Variants in TMTC1 observed in about 807,000 individuals in gnomAD.
The protein encoded by TMTC1 is protein O-mannosyl-transferase TMTC1.
TMTC1 carries 73 observed loss-of-function variants against 104.8 expected under a neutral mutation model. The observed-to-expected ratio is 0.70, with a 90% confidence interval of 0.58 to 0.85. TMTC1 has a LOEUF of 0.85. Among genes scored for constraint, TMTC1 ranks in the 40% least tolerant of loss-of-function variants. TMTC1 has a pLI of 0.00. For missense variants in TMTC1, 1,035 were observed against 1,096.1 expected (o/e 0.94, Z 0.79); for synonymous variants, 434 against 428.7 (o/e 1.01, Z -0.15).
At chr12:29,753,213 G>A (rs1435167966) in intron 4 of TMTC1, among the ~76,000 whole-genome samples, 2 of 152,196 alleles carry the variant, frequency 1.3e-5, no homozygotes, top group Non-Finnish European at 2.9e-5. Flanking sequence ...AGGGACTGGG[G>A]AGTAGACCCC....
At chr12:29,555,133 C>CATT (rs1432538057) in intron 10 of TMTC1, among the ~76,000 whole-genome samples, 5 of 40,928 alleles carry the variant, frequency 1.2e-4, no homozygotes, top group Non-Finnish European at 2.3e-4. Flanking sequence ...GTTCCAACAT[C>CATT]CTTTTTTTTT....
At chr12:29,676,553 T>C (rs775761269) in intron 5 of TMTC1, among the ~76,000 whole-genome samples, 9 of 152,206 alleles carry the variant, frequency 5.9e-5, no homozygotes, top group Non-Finnish European at 1.2e-4. Flanking sequence ...GTAGGAAACC[T>C]GATGCCTGCA....
At chr12:29,726,525 A>T (rs1444000898) in intron 5 of TMTC1, among the ~76,000 whole-genome samples, 1 of 152,200 alleles carries the variant, frequency 6.6e-6, no homozygotes, top group Non-Finnish European at 1.5e-5. Context: ...CATGTAGCCA[A>T]GACAAGCATA....
chr12:29,684,852 A>T (rs1398814766), intron 5 of TMTC1, among the ~76,000 whole-genome samples: 1 of 152,194 alleles, frequency 6.6e-6, no homozygotes. Flanking sequence ...ACTGCAAATG[A>T]CTGGTTATTG....
chr12:29,563,253 C>T (rs1945424089), intron 9 of TMTC1, among the ~76,000 whole-genome samples: 2 of 152,144 alleles, frequency 1.3e-5, no homozygotes, highest in Admixed American at 6.5e-5. Flanking sequence ...AATGGAATTC[C>T]AGACACGTGT....
At chr12:29,781,917 A>G (rs1222478022) in intron 1 of TMTC1, among the ~76,000 whole-genome samples, 1 of 152,256 alleles carries the variant, frequency 6.6e-6, no homozygotes, top group Non-Finnish European at 1.5e-5. Flanking sequence ...CCTACTCTCC[A>G]GCAAGTAGGC....
At chr12:29,782,520 G>C (rs1186893080) in intron 1 of TMTC1, among the ~76,000 whole-genome samples, 1 of 152,170 alleles carries the variant, frequency 6.6e-6, no homozygotes, top group Non-Finnish European at 1.5e-5. Context: ...AGTTTTGACC[G>C]GCGCGTTAAA....
intron 6 of TMTC1, among the ~76,000 whole-genome samples, chr12:29,627,994 A>G (rs1938092519): frequency 6.6e-6 from 1 of 152,196 alleles, no homozygotes; most frequent in Non-Finnish European, 1.5e-5. Flanking sequence ...TCATGTGCAG[A>G]CCTTGTTAAA....
At chr12:29,514,714 G>A (rs907565340) in intron 15 of TMTC1, 110 bp from the exon 16 acceptor site, 10 of 1,206,572 alleles carry the variant, frequency 8.3e-6, no homozygotes, top group African/African-American at 1.5e-5. Context: ...GGTATGGTAT[G>A]TGACAATCAA....
chr12:29,700,590 G>T (rs1043259828), intron 5 of TMTC1, among the ~76,000 whole-genome samples: 39 of 152,100 alleles, frequency 2.6e-4, no homozygotes, highest in African/African-American at 9.4e-4. Context: ...ATACCTTTCT[G>T]GAGAGAAGCT....
At chr12:29,571,895 G>C (rs945358918) in intron 9 of TMTC1, among the ~76,000 whole-genome samples, 3 of 152,180 alleles carry the variant, frequency 2.0e-5, no homozygotes, top group Non-Finnish European at 4.4e-5. Flanking sequence ...AAACACGCAA[G>C]ACTTACACGC....
intron 5 of TMTC1, among the ~76,000 whole-genome samples, chr12:29,703,072 A>G (rs1941643500): frequency 6.6e-6 from 1 of 151,412 alleles, no homozygotes; most frequent in Admixed American, 6.6e-5. Context: ...TGAGCCCAGG[A>G]GGCAGAGGTT....
At chr12:29,729,704 T>G (rs1385569645) in intron 5 of TMTC1, among the ~76,000 whole-genome samples, 1 of 152,184 alleles carries the variant, frequency 6.6e-6, no homozygotes, top group Admixed American at 6.5e-5. Flanking sequence ...CCCCCTCCAA[T>G]GATCCTAATT....
At chr12:29,678,352 T>C (rs1408333733) in intron 5 of TMTC1, among the ~76,000 whole-genome samples, 8 of 152,180 alleles carry the variant, frequency 5.3e-5, no homozygotes, top group Admixed American at 5.2e-4. Flanking sequence ...GAGATGGCCA[T>C]GTGACTGAAT....
In TMTC1 at chr12:29,572,117, C is replaced by CT. The variant is rs764021423; in HGVS notation, c.1519dup (p.Arg507LysfsTer42). The CT allele has an allele frequency of 3.1e-6, 5 of 1,613,712 alleles. No homozygotes were observed. The African/African-American group carries it at 6.7e-5, about 22-fold the overall frequency. ...GTGTGGCGCTTACTTGAGAGCTGTT[C>CT]TGTAGTGGTAGATCGCTTCCTTGTT... On this transcript the variant is annotated frameshift_variant, in exon 9 of 18. Transcript: ENST00000539277. LOFTEE classifies it high-confidence loss of function.
intron 6 of TMTC1, among the ~76,000 whole-genome samples, chr12:29,623,378 A>G (rs1213135654): frequency 6.6e-6 from 1 of 152,256 alleles, no homozygotes; most frequent in Non-Finnish European, 1.5e-5. Context: ...GCATTAGGAA[A>G]GAGTATGCTC....
At chr12:29,762,482 C>T (rs1393834612) in intron 2 of TMTC1, among the ~76,000 whole-genome samples, 1 of 152,140 alleles carries the variant, frequency 6.6e-6, no homozygotes, top group Non-Finnish European at 1.5e-5. Flanking sequence ...TTTACACGTA[C>T]GGTATCTTAA....
intron 5 of TMTC1, among the ~76,000 whole-genome samples, chr12:29,663,235 C>T (rs1216495167): frequency 6.6e-6 from 1 of 152,178 alleles, no homozygotes; most frequent in Middle Eastern, 3.2e-3. Context: ...CCAACTCAAC[C>T]ACGACCACTC....
At chr12:29,576,062 C>T (rs1218821947) in intron 8 of TMTC1, among the ~76,000 whole-genome samples, 1 of 152,150 alleles carries the variant, frequency 6.6e-6, no homozygotes, top group Non-Finnish European at 1.5e-5. Flanking sequence ...AGATATCATT[C>T]AGGTCCTTTG....
Sources: gnomAD v4.1 joint callset for allele counts (sites outside exome capture counted in the v4.1 genomes callset) on GRCh38, gnomAD v4.1.1 for gene constraint, MANE v1.5 for transcripts, NCBI Gene and HGNC (gene_info 2026-07-23, HGNC 2026-07-21) for gene names.